SIRT5: variants seen among roughly 807,000 people sequenced by gnomAD.
SIRT5 encodes the protein sirtuin 5.
SIRT5 carries 26 observed loss-of-function variants against 40.0 expected under a neutral mutation model. The ratio of observed to expected loss-of-function variants is 0.65; its 90% CI spans 0.48 to 0.90. SIRT5 has a LOEUF of 0.90. SIRT5 is among the 40% of genes least tolerant of loss of function. SIRT5 has a pLI of 0.00. For synonymous variants in SIRT5, 146 were observed against 149.1 expected, an observed-to-expected ratio of 0.98 and a Z score of 0.15; for missense variants, 401 against 402.4, an observed-to-expected ratio of 1.00 and a Z score of 0.03.
chr6:13,574,766 G>C (rs1031859057), intron 1 of SIRT5, 22 bp downstream of exon 1: 3 of 152,578 alleles, frequency 2.0e-5, no homozygotes, highest in African/African-American at 7.2e-5. Flanking sequence ...TCTGCGTGGG[G>C]GTCGCTGCGG....
chr6:13,584,504 C>T (rs1038259976), intron 3 of SIRT5, among the ~76,000 whole-genome samples: 11 of 152,172 alleles, frequency 7.2e-5, no homozygotes, highest in Non-Finnish European at 1.2e-4. Flanking sequence ...GCACATGCCA[C>T]CACAACCAGC....
At chr6:13,590,903 TTAGC>T (rs1316173548) in intron 4 of SIRT5, among the ~76,000 whole-genome samples, 2 of 151,670 alleles carry the variant, frequency 1.3e-5, no homozygotes, top group South Asian at 2.1e-4. Flanking sequence ...ATATGTGTGT[TTAGC>T]TATGTGTGTG....
chr6:13,587,278 A>G (rs530077517), intron 3 of SIRT5, among the ~76,000 whole-genome samples: 1 of 152,252 alleles, frequency 6.6e-6, no homozygotes, highest in South Asian at 2.1e-4. Context: ...GCGTATGTTC[A>G]GTGTTGTACC....
intron 3 of SIRT5, among the ~76,000 whole-genome samples, chr6:13,588,073 G>A (rs1760313850): frequency 6.6e-6 from 1 of 152,202 alleles, no homozygotes; most frequent in African/African-American, 2.4e-5. Flanking sequence ...CGTAACTTAT[G>A]TAAGATCACA....
At chr6:13,593,896 C>T (rs113803438) in intron 5 of SIRT5, among the ~76,000 whole-genome samples, 15 of 152,110 alleles carry the variant, frequency 9.9e-5, no homozygotes, top group Non-Finnish European at 1.0e-4. Flanking sequence ...ACTCAGAGCA[C>T]GGATGTCTGT....
intron 2 of SIRT5, among the ~76,000 whole-genome samples, chr6:13,581,506 A>G (rs536425074): frequency 1.9e-4 from 29 of 152,312 alleles, no homozygotes; most frequent in Non-Finnish European, 3.7e-4. Context: ...AACTTTGATC[A>G]CTTGGTTAAG....
Position 13,607,410 on chromosome 6 carries a change from A to G in SIRT5, c.858-4380A>G, listed in dbSNP as rs1446601066. ...TTTACACCTACACCTAATTTAACCA[A>G]ATTATATTTAGTGACTCAGTATGTC... On this transcript the variant is annotated intron_variant, in intron 9 of 9. Coordinates refer to ENST00000606117, the MANE Select transcript of SIRT5 (RefSeq NM_012241.5). This position sits in a 1 kb window ranked among gnomAD's most constrained non-coding sequence, Gnocchi z 4.0. Among the ~76,000 whole-genome samples, 2 of 152,030 alleles carry G rather than the reference A, an allele frequency of 1.3e-5. No homozygotes were observed. The highest frequency in any genetic ancestry group is 2.9e-5 in the Non-Finnish European group (2 of 68,004).
In SIRT5 at chr6:13,584,138, C is replaced by G. The variant is rs143890704; in HGVS notation, c.28C>G (p.Arg10Gly). MRPLQIVPS[R>G]LISQLYCGLK... is the part of the protein sequence containing the mutation. ...GCGACCTCTCCAGATTGTCCCAAGT[C>G]GATTGATTTCCCAGCTATATTGTGG... The change falls in exon 3 of 10, where the codon CGA becomes GGA. Residue 10 changes from arginine to glycine, a missense_variant. Transcript: ENST00000606117. 3 of 1,614,140 alleles carry G rather than the reference C, an allele frequency of 1.9e-6. No homozygotes were observed. The highest frequency in any genetic ancestry group is 3.3e-4 in the Middle Eastern group (2 of 6,062).
intron 8 of SIRT5, among the ~76,000 whole-genome samples, chr6:13,600,173 C>G (rs1168265032): frequency 6.6e-6 from 1 of 152,166 alleles, no homozygotes; most frequent in Non-Finnish European, 1.5e-5. Flanking sequence ...AGATTGTATG[C>G]GTATTTCAAA....
Position 13,588,430 on chromosome 6 carries a change from G to A in SIRT5, c.215G>A (p.Gly72Glu), listed in dbSNP as rs1473559602. The A allele has an allele frequency of 6.2e-7, 1 of 1,614,176 alleles. No homozygotes were observed. The highest frequency in any genetic ancestry group is 1.7e-5 in the Admixed American group (1 of 60,024). The change falls in exon 4 of 10, where the codon GGA (glycine) becomes GAA (glutamate). Residue 72 changes from glycine to glutamate, a missense_variant. Gly to Glu is a moderately conservative substitution (Grantham distance 98, BLOSUM62 -2). Coordinates refer to ENST00000606117, the MANE Select transcript of SIRT5 (RefSeq NM_012241.5). The stretch of plus-strand genomic sequence containing the variant: ...GAAAGTGGTGTTCCGACCTTCAGAG[G>A]AGCTGGAGGTTATTGGAGAAAATGG... ...SAESGVPTFR[G>E]AGGYWRKWQA...
At chr6:13,583,944 G>A in intron 2 of SIRT5, 132 bp from the exon 3 acceptor site, 2 of 402,400 alleles carry the variant, frequency 5.0e-6, no homozygotes, top group Non-Finnish European at 8.7e-6. Flanking sequence ...GTGTATGTGT[G>A]CGTGTGGGTA....
At chr6:13,582,484 T>A (rs979763616) in intron 2 of SIRT5, among the ~76,000 whole-genome samples, 1 of 152,166 alleles carries the variant, frequency 6.6e-6, no homozygotes, top group Non-Finnish European at 1.5e-5. Context: ...ATACTCATTA[T>A]TTTTAAGTAA....
intron 9 of SIRT5, among the ~76,000 whole-genome samples, chr6:13,606,329 T>C (rs116030635): frequency 5.7e-4 from 87 of 152,246 alleles, no homozygotes; most frequent in Non-Finnish European, 1.2e-3. Flanking sequence ...AGTTGGGGGC[T>C]CTGGGGAGGG....
chr6:13,583,369 A>G (rs1409737163), intron 2 of SIRT5, among the ~76,000 whole-genome samples: 1 of 132,678 alleles, frequency 7.5e-6, no homozygotes, highest in East Asian at 2.1e-4. Flanking sequence ...ATCTCGGCTC[A>G]CTGCAACCTC....
intron 9 of SIRT5, among the ~76,000 whole-genome samples, chr6:13,610,079 G>A (rs1357632892): frequency 2.6e-5 from 4 of 152,084 alleles, no homozygotes; most frequent in Non-Finnish European, 5.9e-5. Flanking sequence ...TGATCCTCTC[G>A]CCTCAGCTTC....
chr6:13,605,363 C>A, intron 9 of SIRT5: 3 of 969,610 alleles, frequency 3.1e-6, no homozygotes, highest in Non-Finnish European at 3.7e-6. Flanking sequence ...TCCTGTGTGG[C>A]CCTTTACAGA....
Position 13,605,313 on chromosome 6 carries a change from T to C in SIRT5, c.857+4364T>C, listed in dbSNP as rs202000848. 13 of 860,994 alleles carry C rather than the reference T, an allele frequency of 1.5e-5. No homozygotes were observed. The South Asian group carries it at 5.3e-4, about 35-fold the overall frequency. 53.3% of individuals were successfully genotyped at this position (860,994 alleles called of 1,614,324 possible). On this transcript the variant is annotated intron_variant, in intron 9 of 9. Transcript: ENST00000606117. ...GCATTAGGATGACAGAGGTGAATAG[T>C]TGCAACAGAGACTGGCTGGTCTGCA...
At chr6:13,582,958 C>G (rs1759545570) in intron 2 of SIRT5, among the ~76,000 whole-genome samples, 1 of 152,166 alleles carries the variant, frequency 6.6e-6, no homozygotes, top group Non-Finnish European at 1.5e-5. Flanking sequence ...GTAATCCCAG[C>G]ACTTCGGGAG....
intron 1 of SIRT5, among the ~76,000 whole-genome samples, chr6:13,578,489 G>A (rs943500747): frequency 3.3e-5 from 5 of 151,734 alleles, no homozygotes; most frequent in African/African-American, 9.7e-5. Context: ...GCGTGGTGTC[G>A]GTTGCTTGTA....
Sources: allele counts gnomAD v4.1 joint callset (sites outside exome capture counted in the v4.1 genomes callset), GRCh38; gene constraint gnomAD v4.1.1; non-coding constraint Gnocchi (gnomAD v3.1); transcripts MANE v1.5; gene names NCBI Gene and HGNC (gene_info 2026-07-23, HGNC 2026-07-21).